The following CNTNAP5 variants were observed in gnomAD, a reference collection of about 807,000 sequenced individuals.
The protein encoded by CNTNAP5 is contactin associated protein family member 5.
In CNTNAP5, 72 loss-of-function variants were observed where a neutral mutation model predicts 150.2. That is an observed-to-expected ratio of 0.48 (90% CI 0.40 to 0.58). The LOEUF is 0.58. Ranked by LOEUF, CNTNAP5 falls within the 20% of genes least tolerant of loss-of-function variation. The pLI is 0.00. For missense variants in CNTNAP5, 1,636 were observed against 1,626.2 expected, an observed-to-expected ratio of 1.01 and a Z score of -0.10; for synonymous variants, 672 against 619.8, an observed-to-expected ratio of 1.08 and a Z score of -1.25.
chr2:124,406,174 T>C (rs1367516531), intron 3 of CNTNAP5, among the ~76,000 whole-genome samples: 2 of 152,238 alleles, frequency 1.3e-5, no homozygotes, highest in African/African-American at 4.8e-5. Context: ...CTAATTTAAT[T>C]CAATTGTGGT....
At chr2:124,076,590 G>A (rs563029992) in intron 1 of CNTNAP5, among the ~76,000 whole-genome samples, 4 of 152,100 alleles carry the variant, frequency 2.6e-5, no homozygotes, top group African/African-American at 9.6e-5. Context: ...TTTTTTCTCA[G>A]TAATATCTGC....
intron 2 of CNTNAP5, among the ~76,000 whole-genome samples, chr2:124,236,672 G>A (rs533520037): frequency 1.3e-5 from 2 of 152,112 alleles, no homozygotes; most frequent in Non-Finnish European, 2.9e-5. Context: ...TTAAAGATGT[G>A]GCTAGTGATT....
intron 1 of CNTNAP5, among the ~76,000 whole-genome samples, chr2:124,132,518 C>T (rs972267993): frequency 4.6e-5 from 7 of 152,180 alleles, no homozygotes; most frequent in South Asian, 2.1e-4. Flanking sequence ...TGTGAGACAA[C>T]GAGGATCAAC....
At chr2:124,139,922 G>C (rs1684068306) in intron 1 of CNTNAP5, among the ~76,000 whole-genome samples, 1 of 152,146 alleles carries the variant, frequency 6.6e-6, no homozygotes, top group African/African-American at 2.4e-5. Flanking sequence ...GCGCAGGCCA[G>C]TGTGTGCGCG....
intron 11 of CNTNAP5, among the ~76,000 whole-genome samples, chr2:124,601,981 C>T (rs2104974438): frequency 6.6e-6 from 1 of 152,194 alleles, no homozygotes; most frequent in Non-Finnish European, 1.5e-5. Flanking sequence ...GCTCAATATC[C>T]CGTATTACAG....
chr2:124,691,902 C>A (rs1573550926), intron 13 of CNTNAP5, among the ~76,000 whole-genome samples: 2 of 152,246 alleles, frequency 1.3e-5, no homozygotes, highest in East Asian at 3.9e-4. Flanking sequence ...TTTTCCTTCC[C>A]CATGAGCCTA....
At chr2:124,191,473 A>C (rs905415227) in intron 1 of CNTNAP5, among the ~76,000 whole-genome samples, 1 of 152,154 alleles carries the variant, frequency 6.6e-6, no homozygotes. Context: ...ATTCTTGAAA[A>C]ACTTCCAAAT....
At chr2:124,692,993 TC>T (rs1438260064) in intron 13 of CNTNAP5, among the ~76,000 whole-genome samples, 2 of 152,136 alleles carry the variant, frequency 1.3e-5, no homozygotes, top group Non-Finnish European at 2.9e-5. Context: ...GTGTTTTTTT[TC>T]CTGTGACATA....
chr2:124,807,645 T>A (rs1450325503), intron 19 of CNTNAP5, among the ~76,000 whole-genome samples: 1 of 152,156 alleles, frequency 6.6e-6, no homozygotes, highest in African/African-American at 2.4e-5. Flanking sequence ...CCCATTATAT[T>A]TACTTTTTAA....
chr2:124,673,933 C>T (rs1678874202), intron 13 of CNTNAP5, among the ~76,000 whole-genome samples: 1 of 152,004 alleles, frequency 6.6e-6, no homozygotes, highest in African/African-American at 2.4e-5. Flanking sequence ...TTCAGAGTTG[C>T]AAATATCACC....
At chr2:124,556,030 G>A (rs1695748176) in intron 10 of CNTNAP5, among the ~76,000 whole-genome samples, 2 of 152,050 alleles carry the variant, frequency 1.3e-5, no homozygotes, top group African/African-American at 4.8e-5. Context: ...ACTCCACATT[G>A]CATAACAGTG....
chr2:124,149,430 A>C (rs1684349582), intron 1 of CNTNAP5, among the ~76,000 whole-genome samples: 1 of 141,922 alleles, frequency 7.0e-6, no homozygotes, highest in Non-Finnish European at 1.5e-5. Flanking sequence ...AAAAAAACTC[A>C]GGAAAACTCA....
chr2:124,522,823 G>A (rs1694879459), intron 8 of CNTNAP5, among the ~76,000 whole-genome samples: 1 of 152,264 alleles, frequency 6.6e-6, no homozygotes, highest in Middle Eastern at 3.4e-3. Flanking sequence ...CTTGCTCCAA[G>A]AATTACAAAC....
chr2:124,314,389 C>T (rs548347046), intron 3 of CNTNAP5, among the ~76,000 whole-genome samples: 9 of 152,224 alleles, frequency 5.9e-5, no homozygotes, highest in East Asian at 1.9e-4. Flanking sequence ...TTTGAATCTC[C>T]GTAGTGGGCC....
At chr2:124,298,104 C>T (rs1398088186) in intron 3 of CNTNAP5, among the ~76,000 whole-genome samples, 1 of 151,936 alleles carries the variant, frequency 6.6e-6, no homozygotes, top group African/African-American at 2.4e-5. Flanking sequence ...CAGCCTCCCA[C>T]ATATCCAATT....
intron 13 of CNTNAP5, among the ~76,000 whole-genome samples, chr2:124,693,993 G>A (rs555522346): frequency 5.3e-5 from 8 of 152,100 alleles, no homozygotes; most frequent in South Asian, 4.2e-4. Flanking sequence ...ATGGGATTTC[G>A]TATAAACAAC....
chr2:124,564,357 T>C (rs1249516627), intron 11 of CNTNAP5, among the ~76,000 whole-genome samples: 1 of 152,112 alleles, frequency 6.6e-6, no homozygotes, highest in South Asian at 2.1e-4. Flanking sequence ...TATTTATTTA[T>C]TTATTTATTT....
chr2:124,444,742 G>A (rs1191045832), intron 5 of CNTNAP5, among the ~76,000 whole-genome samples: 2 of 152,132 alleles, frequency 1.3e-5, no homozygotes, highest in African/African-American at 2.4e-5. Context: ...CCAGGCCGAC[G>A]AGCTCCTGGC....
intron 2 of CNTNAP5, among the ~76,000 whole-genome samples, chr2:124,233,516 A>G (rs375093283): frequency 1.4e-4 from 22 of 152,234 alleles, no homozygotes; most frequent in African/African-American, 5.3e-4. Flanking sequence ...AGCTTCCACA[A>G]TTTGGTCATC....
Sources: allele counts gnomAD v4.1 joint callset (sites outside exome capture counted in the v4.1 genomes callset), GRCh38; gene constraint gnomAD v4.1.1; transcripts MANE v1.5; gene names NCBI Gene and HGNC (gene_info 2026-07-23, HGNC 2026-07-21).